Variants in TNFSF4 observed in about 807,000 individuals in gnomAD.
TNFSF4 encodes tumor necrosis factor ligand superfamily member 4.
A neutral mutation model predicts 7.3 loss-of-function variants in TNFSF4; 4 were observed. The observed-to-expected ratio is 0.55, with a 90% CI of 0.27 to 1.25. TNFSF4 has a LOEUF of 1.25. Ranked by LOEUF, TNFSF4 falls within the 50% of genes most tolerant of loss-of-function variation. TNFSF4 has a pLI of 0.12. For synonymous variants in TNFSF4, 76 were observed against 83.7 expected, an observed-to-expected ratio of 0.91 and a Z score of 0.50; for missense variants, 181 against 208.8, an observed-to-expected ratio of 0.87 and a Z score of 0.82.
chr1:173,334,951 A>G, the TNFSF4 span, among the ~76,000 whole-genome samples: 3 of 152,090 alleles, frequency 2.0e-5, no homozygotes, highest in African/African-American at 7.2e-5. Flanking sequence ...AGAACTACTC[A>G]AGTTTTCTCA....
chr1:173,179,797 A>G (rs1373915011), downstream of TNFSF4, among the ~76,000 whole-genome samples: 1 of 152,250 alleles, frequency 6.6e-6, no homozygotes, highest in African/African-American at 2.4e-5. Flanking sequence ...GCACTGGCTA[A>G]TACATAGACA....
At chr1:173,221,527 T>C in the TNFSF4 span, among the ~76,000 whole-genome samples, 5 of 152,152 alleles carry the variant, frequency 3.3e-5, no homozygotes, top group Non-Finnish European at 7.3e-5. Flanking sequence ...TTAGATACGG[T>C]AAGTAATGGA....
chr1:173,264,025 G>A, the TNFSF4 span, among the ~76,000 whole-genome samples: 9 of 152,006 alleles, frequency 5.9e-5, no homozygotes, highest in Admixed American at 5.9e-4. Flanking sequence ...AATAACTATT[G>A]GATACTAGGC....
the TNFSF4 span, among the ~76,000 whole-genome samples, chr1:173,290,068 T>C: frequency 2.0e-5 from 3 of 152,026 alleles, no homozygotes; most frequent in African/African-American, 7.3e-5. Context: ...AAATAAAACC[T>C]GACCAGGTAC....
chr1:173,363,774 G>A, the TNFSF4 span: 1 of 177,890 alleles, frequency 5.6e-6, no homozygotes, highest in Non-Finnish European at 1.2e-5. Flanking sequence ...GAGACATCTG[G>A]GTTCTCGTAC....
At chr1:173,262,712 C>G in the TNFSF4 span, among the ~76,000 whole-genome samples, 2 of 149,954 alleles carry the variant, frequency 1.3e-5, no homozygotes, top group Non-Finnish European at 3.0e-5. Context: ...ATGCCATTCT[C>G]CTGCCTCAGC....
At chr1:173,237,249 G>T in the TNFSF4 span, among the ~76,000 whole-genome samples, 1 of 152,246 alleles carries the variant, frequency 6.6e-6, no homozygotes, top group Admixed American at 6.5e-5. Context: ...AGCAGCGTGA[G>T]AACAGACTAA....
chr1:173,293,908 A>T, the TNFSF4 span, among the ~76,000 whole-genome samples: 1 of 152,192 alleles, frequency 6.6e-6, no homozygotes, highest in Admixed American at 6.6e-5. Context: ...TCAAAACCAC[A>T]ATGAGATACT....
intron 1 of TNFSF4, among the ~76,000 whole-genome samples, chr1:173,194,385 CATAAAACCT>C: frequency 6.6e-6 from 1 of 152,148 alleles, no homozygotes; most frequent in African/African-American, 2.4e-5. Flanking sequence ...AGTCCCTGTA[CATAAAACCT>C]TTAGTAAATA....
At chr1:173,420,545 T>G in the TNFSF4 span, among the ~76,000 whole-genome samples, 1 of 99,178 alleles carries the variant, frequency 1.0e-5, no homozygotes, top group African/African-American at 7.4e-5. Flanking sequence ...GTAAAGGCCT[T>G]TTTTTTTCCT....
chr1:173,409,066 G>A, the TNFSF4 span, among the ~76,000 whole-genome samples: 5 of 152,142 alleles, frequency 3.3e-5, no homozygotes, highest in African/African-American at 7.2e-5. Flanking sequence ...AGGATGCAAT[G>A]AGAAGACCAT....
the TNFSF4 span, among the ~76,000 whole-genome samples, chr1:173,227,276 AT>A: frequency 6.6e-6 from 1 of 151,888 alleles, no homozygotes; most frequent in Non-Finnish European, 1.5e-5. Context: ...TCTTATTTTG[AT>A]TTTTTCCACC....
the TNFSF4 span, among the ~76,000 whole-genome samples, chr1:173,397,752 T>C: frequency 6.6e-6 from 1 of 151,702 alleles, no homozygotes; most frequent in African/African-American, 2.4e-5. Context: ...TTTCCCCAGG[T>C]TTACTACCTA....
the TNFSF4 span, among the ~76,000 whole-genome samples, chr1:173,390,841 G>T: frequency 6.9e-6 from 1 of 145,348 alleles, no homozygotes. Flanking sequence ...TGCCTCCCAC[G>T]TTCAAGCGAT....
At chr1:173,359,308 G>A in the TNFSF4 span, among the ~76,000 whole-genome samples, 3 of 151,910 alleles carry the variant, frequency 2.0e-5, no homozygotes, top group African/African-American at 4.8e-5. Flanking sequence ...GTCACTTCAC[G>A]CCTGGTCATT....
intron 1 of TNFSF4, among the ~76,000 whole-genome samples, chr1:173,193,657 AAAG>A (rs1455258988): frequency 1.2e-4 from 18 of 152,114 alleles, no homozygotes; most frequent in Non-Finnish European, 1.2e-4. Flanking sequence ...AGCTTAGAGA[AAAG>A]AAGAAGTTGC....
the TNFSF4 span, among the ~76,000 whole-genome samples, chr1:173,262,414 C>G: frequency 6.6e-6 from 1 of 152,266 alleles, no homozygotes; most frequent in South Asian, 2.1e-4. Context: ...CCCTTGAAAA[C>G]TGGCACAAGA....
chr1:173,183,193 GA>G (rs1391726160), downstream of TNFSF4, among the ~76,000 whole-genome samples: 1 of 151,344 alleles, frequency 6.6e-6, no homozygotes, highest in Non-Finnish European at 1.5e-5. Context: ...AGGGGTGGCA[GA>G]GAAAGAGGAG....
the TNFSF4 span, among the ~76,000 whole-genome samples, chr1:173,176,632 C>G: frequency 6.6e-6 from 1 of 151,994 alleles, no homozygotes; most frequent in Non-Finnish European, 1.5e-5. Context: ...GGTATATACA[C>G]AAAGAAATAT....
Sources: allele counts gnomAD v4.1 joint callset (sites outside exome capture counted in the v4.1 genomes callset), GRCh38; gene constraint gnomAD v4.1.1; transcripts MANE v1.5; gene names NCBI Gene and HGNC (gene_info 2026-07-23, HGNC 2026-07-21).